Variants in PATJ observed in about 807,000 individuals in gnomAD.
PATJ encodes inaD-like protein.
A neutral mutation model predicts 224.9 loss-of-function variants in PATJ; 190 were observed. That is an observed-to-expected ratio of 0.84 (90% CI 0.75 to 0.95). The LOEUF (loss-of-function observed/expected upper bound fraction) is 0.95, where lower values mean the gene tolerates loss of function less well. PATJ is among the 40% of genes least tolerant of loss of function. PATJ has a pLI of 0.00. For missense variants in PATJ, 2,121 were observed against 2,270.3 expected (o/e 0.93, Z 1.34); for synonymous variants, 769 against 820.3 (o/e 0.94, Z 1.07).
chr1:62,148,187 T>G (rs1307398637), intron 41 of PATJ, 97 bp from the exon 42 acceptor site: 1 of 667,758 alleles, frequency 1.5e-6, no homozygotes, highest in African/African-American at 1.8e-5. Flanking sequence ...ATAAATTGAA[T>G]AAGATTAGGA....
At chr1:61,777,592 A>G (rs1030657172) in intron 7 of PATJ, among the ~76,000 whole-genome samples, 3 of 151,748 alleles carry the variant, frequency 2.0e-5, no homozygotes, top group Non-Finnish European at 2.9e-5. Flanking sequence ...GTTGATTGAT[A>G]TTAACCAATA....
At chr1:62,138,537 C>T (rs1667180096) in intron 41 of PATJ, among the ~76,000 whole-genome samples, 1 of 152,014 alleles carries the variant, frequency 6.6e-6, no homozygotes, top group African/African-American at 2.4e-5. Flanking sequence ...AAACTCCTGA[C>T]CTCAGGTGAT....
At chr1:61,856,309 C>A in intron 18 of PATJ, 70 bp downstream of exon 18, 5 of 1,262,332 alleles carry the variant, frequency 4.0e-6, no homozygotes, top group Non-Finnish European at 5.7e-6. Context: ...ATTTTGGAGA[C>A]ACATATACCT....
At chr1:61,960,952 A>T (rs1467461192) in intron 27 of PATJ, among the ~76,000 whole-genome samples, 2 of 152,196 alleles carry the variant, frequency 1.3e-5, no homozygotes, top group East Asian at 3.9e-4. Context: ...TCAGACACTC[A>T]TATGGGAAGG....
Position 61,993,338 on chromosome 1 carries a change from C to T in PATJ, c.3867+2974C>T, listed in dbSNP as rs1478102626. 2.0e-5 allele frequency among the ~76,000 whole-genome samples: 3 copies of T among 152,080 alleles called. No individual in the cohort carries two copies. The East Asian group carries it at 5.8e-4, about 29-fold the overall frequency. ...TGAAGGGGAGGGCAGAGTTTCCATG[C>T]CCTGTCTGGGCGTGCTACCCACCAG... On this transcript the variant is annotated intron_variant, in intron 28 of 43. Coordinates refer to ENST00000642238, the MANE Select transcript of PATJ (RefSeq NM_001350145.3).
At chr1:62,006,974 C>G (rs953678623) in intron 28 of PATJ, among the ~76,000 whole-genome samples, 1 of 152,152 alleles carries the variant, frequency 6.6e-6, no homozygotes, top group Admixed American at 6.5e-5. Context: ...GTACTGAATA[C>G]TGTAGGCAAC....
chr1:61,900,562 C>T (rs960811961), intron 23 of PATJ, among the ~76,000 whole-genome samples: 24 of 148,224 alleles, frequency 1.6e-4, no homozygotes, highest in Admixed American at 2.8e-4. Flanking sequence ...TACTTTTTGC[C>T]GAAATGACAT....
intron 23 of PATJ, among the ~76,000 whole-genome samples, chr1:61,900,834 C>T (rs1350381060): frequency 1.3e-5 from 2 of 152,170 alleles, no homozygotes; most frequent in Non-Finnish European, 2.9e-5. Context: ...CGTGATCTGC[C>T]CGCCTCGGCC....
At chr1:62,087,380 G>T (rs996143709) in intron 33 of PATJ, among the ~76,000 whole-genome samples, 2 of 152,012 alleles carry the variant, frequency 1.3e-5, no homozygotes, top group African/African-American at 4.8e-5. Flanking sequence ...GCATAGGATG[G>T]GGGGCGGGGC....
At chr1:62,106,158 G>GTGTGTGTGTGTATATATA (rs1356937495) in intron 33 of PATJ, among the ~76,000 whole-genome samples, 2 of 48,064 alleles carry the variant, frequency 4.2e-5, no homozygotes, top group African/African-American at 7.1e-5. Flanking sequence ...GTGTGTGTGT[G>GTGTGTGTGTGTATATATA]TATATATATA....
chr1:62,125,257 A>C lies in PATJ; in HGVS notation c.5043+2199A>C, dbSNP rs1056703932. On this transcript the variant is annotated intron_variant, in intron 39 of 43. Coordinates refer to ENST00000642238, the MANE Select transcript of PATJ (RefSeq NM_001350145.3). Reference sequence around the variant, plus strand: ...GTCTCAAAAAAAAAAAAAAAAACAAAAAAAAACAAAAAAAAAACGCCATTA... The same window carrying C: ...GTCTCAAAAAAAAAAAAAAAAACAACAAAAAACAAAAAAAAAACGCCATTA... Among the ~76,000 whole-genome samples the C allele has an allele frequency of 3.4e-3, 379 of 111,680 alleles. 3 individuals carry two copies. The highest frequency in any genetic ancestry group is 5.0e-3 in the Non-Finnish European group (264 of 52,712). 73.3% of individuals were successfully genotyped at this position (111,680 alleles called of 152,430 possible). A position where few individuals can be genotyped will look rare whatever the true frequency, so the allele number is the denominator to read the frequency against.
Position 62,079,447 on chromosome 1 carries a change from T to A in PATJ, c.4126-3T>A, listed in dbSNP as rs547196241. Reference sequence around the variant, plus strand: ...ATTCATCTAATTTTCCTTTCTTTTGTAGGCTGTCAGCCAGATGAAACAGCA... The same window carrying A: ...ATTCATCTAATTTTCCTTTCTTTTGAAGGCTGTCAGCCAGATGAAACAGCA... On this transcript the variant is annotated splice_polypyrimidine_tract_variant and splice_region_variant and intron_variant, in intron 31 of 43. Transcript: ENST00000642238. 17 of 1,580,036 alleles carry A rather than the reference T, an allele frequency of 1.1e-5. No individual in the cohort carries two copies. In the East Asian group the frequency reaches 3.6e-4, roughly 33 times the overall value.
intron 41 of PATJ, among the ~76,000 whole-genome samples, chr1:62,132,461 G>T (rs1440566691): frequency 6.6e-6 from 1 of 152,048 alleles, no homozygotes; most frequent in Non-Finnish European, 1.5e-5. Flanking sequence ...TCTCGCCACT[G>T]CATTCTGGCC....
chr1:62,119,949 C>A (rs1664861775), intron 37 of PATJ, among the ~76,000 whole-genome samples: 1 of 152,064 alleles, frequency 6.6e-6, no homozygotes, highest in Admixed American at 6.6e-5. Context: ...TCAAAAATTA[C>A]AATACAATGC....
intron 30 of PATJ, among the ~76,000 whole-genome samples, chr1:62,046,017 A>G (rs1394562899): frequency 1.3e-5 from 2 of 152,226 alleles, no homozygotes; most frequent in East Asian, 3.9e-4. Flanking sequence ...CCAGGGCAGC[A>G]TGGTGAAACC....
At chr1:61,937,070 T>A (rs1423261202) in intron 27 of PATJ, among the ~76,000 whole-genome samples, 1 of 151,606 alleles carries the variant, frequency 6.6e-6, no homozygotes, top group African/African-American at 2.4e-5. Context: ...GCTATAAACC[T>A]ACTCCCCAGA....
chr1:62,072,761 AAAAG>A (rs1453224140), intron 31 of PATJ: 36 of 149,706 alleles, frequency 2.4e-4, no homozygotes, highest in African/African-American at 8.4e-4. Flanking sequence ...AAAAAAAAAA[AAAAG>A]AAGAAAAAGA....
intron 27 of PATJ, among the ~76,000 whole-genome samples, chr1:61,944,598 GA>G (rs1557917420): frequency 6.6e-6 from 1 of 152,190 alleles, no homozygotes; most frequent in Non-Finnish European, 1.5e-5. Flanking sequence ...ATCTACGTCT[GA>G]TTGGTGTACC....
At position 62,103,758 on chromosome 1, in the gene PATJ, C is replaced by CA. The variant is rs751774297; in HGVS notation, c.4378-4664dup. On this transcript the variant is annotated intron_variant, in intron 33 of 43. Transcript: ENST00000642238. ...AAAAGAGTAAGACTCTGTCTCAACC[C>CA]AAAAAAAAAAAAAAAGCAATCTATC... 3.9e-3 allele frequency among the ~76,000 whole-genome samples: 427 copies of CA among 108,532 alleles called. 2 individuals carry two copies. The highest frequency in any genetic ancestry group is 8.8e-3 in the African/African-American group (266 of 30,070). The allele number at this position is 108,532 out of a possible 152,430, so 71.2% of individuals were successfully genotyped here.
Sources: allele counts gnomAD v4.1 joint callset (sites outside exome capture counted in the v4.1 genomes callset), GRCh38; gene constraint gnomAD v4.1.1; transcripts MANE v1.5; gene names NCBI Gene and HGNC (gene_info 2026-07-23, HGNC 2026-07-21).